Variants in IWS1 observed in about 807,000 individuals in gnomAD.
IWS1 encodes the protein protein IWS1 homolog.
Under a neutral mutation model 86.7 loss-of-function variants are expected in IWS1, and 27 were observed. The observed-to-expected ratio is 0.31, with a 90% CI of 0.23 to 0.43. The LOEUF (loss-of-function observed/expected upper bound fraction) is 0.43. IWS1 is among the 20% of genes least tolerant of loss of function. The probability of loss-of-function intolerance (pLI) is 1.00; values close to 1 mark genes in which losing one functional copy is unlikely to be tolerated. For synonymous variants in IWS1, 313 were observed against 335.1 expected, an observed-to-expected ratio of 0.93 and a Z score of 0.72; for missense variants, 827 against 1,000.8, an observed-to-expected ratio of 0.83 and a Z score of 2.34.
At chr2:127,509,295 T>C (rs191074536) in intron 2 of IWS1, among the ~76,000 whole-genome samples, 134 of 152,306 alleles carry the variant, frequency 8.8e-4, no homozygotes, top group Admixed American at 2.3e-3. Flanking sequence ...GTCAGATGAG[T>C]ACAACAAACC....
At chr2:127,491,891 A>AAAC in intron 10 of IWS1, 80 bp downstream of exon 10, 1 of 857,492 alleles carries the variant, frequency 1.2e-6, no homozygotes, top group Non-Finnish European at 2.0e-6. Flanking sequence ...AATACTGGTA[A>AAAC]AAATACAGCT....
chr2:127,523,711 C>T lies in IWS1; in HGVS notation c.115G>A (p.Gly39Arg), dbSNP rs373684123. 5 of 1,613,804 alleles carry T rather than the reference C, an allele frequency of 3.1e-6. No individual in the cohort carries two copies. The highest frequency in any genetic ancestry group is 1.7e-5 in the Admixed American group (1 of 59,956). The change falls in exon 2 of 14, where the codon GGA becomes AGA. Residue 39 changes from glycine (G) to arginine (R), a missense_variant. This residue lies in a region of IWS1 where 548 missense variants were observed against 560.2 expected (regional missense o/e 0.98). Coordinates refer to ENST00000295321, the MANE Select transcript of IWS1 (RefSeq NM_017969.3). ...GEDDVNEQHS[G>R]SDTGSVERHS... ...CGTTCTACACTTCCAGTGTCTGATCCGGAGTGTTGCTCATTTACATCATCC... is the reference window on the plus strand; with the variant it reads ...CGTTCTACACTTCCAGTGTCTGATCTGGAGTGTTGCTCATTTACATCATCC...
In IWS1 at chr2:127,504,885, C is replaced by T. The variant is rs1304514942; in HGVS notation, c.1018G>A (p.Glu340Lys). The T allele has an allele frequency of 1.9e-6, 3 of 1,614,062 alleles. No individual in the cohort carries two copies. The highest frequency in any genetic ancestry group is 2.5e-6 in the Non-Finnish European group (3 of 1,180,058). Residue 340 changes from glutamate to lysine, a missense_variant, in exon 3 of 14, where the codon GAG becomes AAG. Transcript: ENST00000295321. ...DDDSDRENKG[E>K]DTEMQNDSFH... ...GAGTCATTCTGCATTTCTGTATCCT[C>T]TCCCTTATTCTCCCTGTCGCTGTCA... is the stretch of plus-strand genomic sequence containing the variant.
intron 2 of IWS1, among the ~76,000 whole-genome samples, chr2:127,520,409 C>T (rs1558771398): frequency 6.6e-6 from 1 of 152,176 alleles, no homozygotes; most frequent in African/African-American, 2.4e-5. Context: ...CCTCATGATC[C>T]ACCCACCTCG....
chr2:127,506,095 C>T (rs1691135127), intron 2 of IWS1, among the ~76,000 whole-genome samples: 2 of 152,158 alleles, frequency 1.3e-5, no homozygotes, highest in Admixed American at 6.5e-5. Context: ...AAAAATATAA[C>T]TCTAGGCTGG....
At chr2:127,525,794 T>C (rs1012975667) in intron 1 of IWS1, among the ~76,000 whole-genome samples, 7 of 152,212 alleles carry the variant, frequency 4.6e-5, no homozygotes, top group Non-Finnish European at 7.3e-5. Flanking sequence ...AAACCACTCC[T>C]AACTAGCAGT....
At chr2:127,495,794 A>C (rs994206311) in intron 7 of IWS1, among the ~76,000 whole-genome samples, 2 of 152,246 alleles carry the variant, frequency 1.3e-5, no homozygotes, top group Admixed American at 1.3e-4. Context: ...GTTTCATTTT[A>C]CTGAATACCT....
At position 127,489,107 on chromosome 2, in the gene IWS1, C is replaced by G. The variant is rs1368362883; in HGVS notation, c.2216+72G>C. ...TGAGAGCATAACATCATTTCATTTACTACTTTTCTTAAAGCAGCAAACGGA... is the reference window on the plus strand; with the variant it reads ...TGAGAGCATAACATCATTTCATTTAGTACTTTTCTTAAAGCAGCAAACGGA... On this transcript the variant is annotated intron_variant, in intron 12 of 13. Transcript: ENST00000295321. This position sits in a 1 kb window ranked among gnomAD's most constrained non-coding sequence, Gnocchi z 4.8. The G allele has an allele frequency of 9.5e-7, 1 of 1,047,226 alleles. No individual in the cohort carries two copies. Among genetic ancestry groups the G allele is most frequent in the Non-Finnish European group, 1.5e-6 (1 of 687,052 alleles). 64.9% of individuals were successfully genotyped at this position (1,047,226 alleles called of 1,614,324 possible). A position where few individuals can be genotyped will look rare whatever the true frequency, so the allele number is the denominator to read the frequency against.
intron 10 of IWS1, chr2:127,491,017 G>A (rs574341263): frequency 6.6e-6 from 1 of 152,108 alleles, no homozygotes; most frequent in Non-Finnish European, 1.5e-5. Context: ...GAGTTAAGGA[G>A]GACAACAAAA....
chr2:127,499,483 T>C lies in IWS1; in HGVS notation c.1468-1246A>G, dbSNP rs892154410. Among the ~76,000 whole-genome samples, 27 of 152,228 alleles carry C rather than the reference T, an allele frequency of 1.8e-4. No individual in the cohort carries two copies. The highest frequency in any genetic ancestry group is 5.2e-4 in the Admixed American group (8 of 15,282). ...TTAGAGGCTTTCTCAATGGTTCACC[T>C]AGTACAATTTTTTTCTAACTGAACT... On this transcript the variant is annotated intron_variant, in intron 5 of 13. Coordinates refer to ENST00000295321, the MANE Select transcript of IWS1 (RefSeq NM_017969.3). This position sits in a 1 kb window ranked among gnomAD's most constrained non-coding sequence, Gnocchi z 4.0.
Position 127,505,507 on chromosome 2 carries a change from G to T in IWS1, c.396C>A (p.Asp132Glu). Residue 132 changes from aspartate to glutamate, a missense_variant, in exon 3 of 14, where the codon GAC becomes GAA. Transcript: ENST00000295321. The surrounding 1 kb of genome is among the most constrained non-coding windows in gnomAD (Gnocchi z 5.0). ...SEETRKLPGS[D>E]SENEELLNGH... is the part of the protein sequence containing the mutation. Reference sequence around the variant, plus strand: ...CATTAAGAAGTTCCTCATTTTCAGAGTCACTACCAGGTAATTTCCTGGTCT... The same window carrying T: ...CATTAAGAAGTTCCTCATTTTCAGATTCACTACCAGGTAATTTCCTGGTCT... 6.2e-7 allele frequency: 1 copy of T among 1,614,080 alleles called. No individual in the cohort carries two copies.
Position 127,494,942 on chromosome 2 carries a change from ACTGT to A in IWS1, c.1725_1728del (p.Arg575SerfsTer2). ...AGTGCTGGCTTTTTTTGATTGTTCAACTGTCTGTCTTCCTATTCAGAAAAAAAAT... is the reference window on the plus strand; with the variant it reads ...AGTGCTGGCTTTTTTTGATTGTTCAACTGTCTTCCTATTCAGAAAAAAAAT... On this transcript the variant is annotated frameshift_variant, in exon 8 of 14. Coordinates refer to ENST00000295321, the MANE Select transcript of IWS1 (RefSeq NM_017969.3). LOFTEE classifies it high-confidence loss of function. 1 of 1,595,218 alleles carries A rather than the reference ACTGT, an allele frequency of 6.3e-7. No homozygotes were observed. The highest frequency in any genetic ancestry group is 8.6e-7 in the Non-Finnish European group (1 of 1,169,104).
At position 127,493,678 on chromosome 2, in the gene IWS1, T is replaced by G. The variant is rs142082087; in HGVS notation, c.1800-268A>C. ...GATAAATTAATGCTGATATGAATGG[T>G]ACAGACAGTAAGAACAATTAACTCC... On this transcript the variant is annotated intron_variant, in intron 8 of 13. Coordinates refer to ENST00000295321, the MANE Select transcript of IWS1 (RefSeq NM_017969.3). Among the ~76,000 whole-genome samples, 1,176 of 151,628 alleles carry G rather than the reference T, an allele frequency of 7.8e-3. 20 individuals are homozygous for G. The highest frequency in any genetic ancestry group is 0.027 in the African/African-American group (1,121 of 41,312).
chr2:127,496,160 A>G lies in IWS1; in HGVS notation c.1566-12T>C, dbSNP rs1214892267. 5.6e-6 allele frequency: 9 copies of G among 1,598,796 alleles called. No homozygotes were observed. Among genetic ancestry groups the G allele is most frequent in the Non-Finnish European group, 7.7e-6 (9 of 1,175,266 alleles). ...ACAGAAAGTCCATACTAAAGCAGTA[A>G]ACAAAAGCAAGTGAAATACAAGTTG... is the stretch of plus-strand genomic sequence containing the variant. On this transcript the variant is annotated splice_polypyrimidine_tract_variant and intron_variant, in intron 6 of 13. Transcript: ENST00000295321.
chr2:127,518,268 C>T (rs1267439573), intron 2 of IWS1, among the ~76,000 whole-genome samples: 1 of 152,170 alleles, frequency 6.6e-6, no homozygotes, highest in Non-Finnish European at 1.5e-5. Context: ...GTAATCCCAG[C>T]ACTTTGGGAG....
At chr2:127,525,223 G>T (rs958755440) in intron 1 of IWS1, among the ~76,000 whole-genome samples, 1 of 152,040 alleles carries the variant, frequency 6.6e-6, no homozygotes, top group Non-Finnish European at 1.5e-5. Context: ...GCCTCCCAAA[G>T]TGCTGGGATT....
upstream of IWS1, among the ~76,000 whole-genome samples, chr2:127,527,292 A>T (rs750997808): frequency 6.6e-6 from 1 of 152,110 alleles, no homozygotes; most frequent in Non-Finnish European, 1.5e-5. Context: ...CAGACCTTCC[A>T]AATTCCCGCT....
chr2:127,496,097 C>G lies in IWS1; in HGVS notation c.1617G>C (p.Met539Ile). Residue 539 changes from methionine to isoleucine, a missense_variant, in exon 7 of 14, where the codon ATG becomes ATC. Coordinates refer to ENST00000295321, the MANE Select transcript of IWS1 (RefSeq NM_017969.3). ...FEMMLQRKKS[M>I]SGKRRRNRDG... Reference sequence around the variant, plus strand: ...CGCGGTTCCGTCTGCGCTTGCCACTCATGCTCTTTTTTCGCTGCAACATCA... The same window carrying G: ...CGCGGTTCCGTCTGCGCTTGCCACTGATGCTCTTTTTTCGCTGCAACATCA... The G allele has an allele frequency of 1.9e-6, 3 of 1,614,034 alleles. No individual in the cohort carries two copies. Among genetic ancestry groups the G allele is most frequent in the Non-Finnish European group, 2.5e-6 (3 of 1,179,978 alleles).
intron 2 of IWS1, among the ~76,000 whole-genome samples, chr2:127,517,074 C>A (rs1288406188): frequency 6.6e-6 from 1 of 152,112 alleles, no homozygotes; most frequent in Non-Finnish European, 1.5e-5. Flanking sequence ...CATGTATACA[C>A]GGAAAACTAT....
Sources: gnomAD v4.1 joint callset for allele counts (sites outside exome capture counted in the v4.1 genomes callset) on GRCh38, gnomAD v4.1.1 for gene constraint, gnomAD v4.1.1 regional missense constraint, Gnocchi (gnomAD v3.1) non-coding constraint, MANE v1.5 for transcripts, NCBI Gene and HGNC (gene_info 2026-07-23, HGNC 2026-07-21) for gene names.